Variants in PLD5 observed in about 807,000 individuals in gnomAD.
PLD5 encodes the protein inactive phospholipase D5.
A neutral mutation model predicts 61.1 loss-of-function variants in PLD5; 36 were observed. The ratio of observed to expected loss-of-function variants is 0.59; its 90% CI spans 0.45 to 0.78. The LOEUF is 0.78. PLD5 is among the 30% of genes least tolerant of loss of function. PLD5 has a pLI of 0.00. For synonymous variants in PLD5, 243 were observed against 242.8 expected (o/e 1.00, Z -0.01); for missense variants, 515 against 644.4 (o/e 0.80, Z 2.17).
intron 2 of PLD5, among the ~76,000 whole-genome samples, chr1:242,306,577 T>C (rs925867276): frequency 5.3e-5 from 8 of 152,026 alleles, no homozygotes; most frequent in African/African-American, 1.9e-4. Context: ...CTTGTCTGCC[T>C]GCACAAAGAA....
chr1:242,514,756 G>A (rs967760192), intron 1 of PLD5, among the ~76,000 whole-genome samples: 1 of 152,136 alleles, frequency 6.6e-6, no homozygotes, highest in African/African-American at 2.4e-5. Context: ...ATGTGCAATG[G>A]GATAACAGGG....
chr1:242,248,072 T>A (rs921453662), intron 4 of PLD5, among the ~76,000 whole-genome samples: 1 of 152,236 alleles, frequency 6.6e-6, no homozygotes, highest in African/African-American at 2.4e-5. Flanking sequence ...AAGCTTTTGT[T>A]GAACTACTGT....
At chr1:242,329,577 C>T (rs1025508030) in intron 2 of PLD5, among the ~76,000 whole-genome samples, 1 of 152,194 alleles carries the variant, frequency 6.6e-6, no homozygotes, top group African/African-American at 2.4e-5. Context: ...TTGATATAAC[C>T]AGTCATCTGA....
chr1:242,512,145 T>A (rs61306290), intron 1 of PLD5, among the ~76,000 whole-genome samples: 2 of 151,398 alleles, frequency 1.3e-5, no homozygotes, highest in Non-Finnish European at 2.9e-5. Context: ...GGTGCGGTGG[T>A]TCACGCCTGT....
At chr1:242,223,877 G>C (rs1330595470) in intron 4 of PLD5, among the ~76,000 whole-genome samples, 1 of 151,804 alleles carries the variant, frequency 6.6e-6, no homozygotes, top group Non-Finnish European at 1.5e-5. Context: ...GAGAGAGAGA[G>C]AGAGAGTCAT....
At chr1:242,338,806 CT>C (rs1659672877) in intron 2 of PLD5, among the ~76,000 whole-genome samples, 1 of 152,172 alleles carries the variant, frequency 6.6e-6, no homozygotes, top group South Asian at 2.1e-4. Context: ...AATGAAAATA[CT>C]AATACATGCC....
At position 242,288,270 on chromosome 1, in the gene PLD5, G is replaced by A; in HGVS notation, c.495+92C>T. ...TGGGTGTGTGTAGACTAAAATAAAT[G>A]AGCTTGAGTTTGAGGAGTGGAGGAG... On this transcript the variant is annotated intron_variant, in intron 3 of 9. Transcript: ENST00000536534. 5 of 1,560,802 alleles carry A rather than the reference G, an allele frequency of 3.2e-6. No individual in the cohort carries two copies. In the South Asian group the frequency reaches 6.0e-5, roughly 19 times the overall value.
At chr1:242,168,535 T>C (rs1666488630) in intron 5 of PLD5, among the ~76,000 whole-genome samples, 1 of 152,180 alleles carries the variant, frequency 6.6e-6, no homozygotes, top group African/African-American at 2.4e-5. Context: ...ACAGAATACA[T>C]TTCCACTATT....
chr1:242,460,997 C>T (rs1208659735), intron 1 of PLD5, among the ~76,000 whole-genome samples: 1 of 151,990 alleles, frequency 6.6e-6, no homozygotes, highest in East Asian at 1.9e-4. Context: ...AAAACTTAGC[C>T]AGATGTGGTG....
chr1:242,296,192 A>G (rs1675646009), intron 2 of PLD5, among the ~76,000 whole-genome samples: 1 of 152,136 alleles, frequency 6.6e-6, no homozygotes, highest in African/African-American at 2.4e-5. Context: ...GGTTGCTGAT[A>G]TGTCTCCTTT....
At chr1:242,500,760 G>A (rs931096624) in intron 1 of PLD5, among the ~76,000 whole-genome samples, 11 of 151,730 alleles carry the variant, frequency 7.2e-5, no homozygotes, top group South Asian at 4.2e-4. Flanking sequence ...GATGTAGTCC[G>A]TAATAAGGTG....
chr1:242,468,676 T>TAC (rs551565564), intron 1 of PLD5, among the ~76,000 whole-genome samples: 99 of 151,276 alleles, frequency 6.5e-4, no homozygotes, highest in African/African-American at 2.2e-3. Flanking sequence ...TGTAAATACA[T>TAC]ACACACACAC....
rs141812581 is a variant in PLD5 at position 242,429,759 on chromosome 1, G to C, written c.190-81517C>G. On this transcript the variant is annotated intron_variant, in intron 1 of 9. Coordinates refer to ENST00000536534, the MANE Select transcript of PLD5 (RefSeq NM_001372062.1). ...GGGTTTAAATCACCATGAGAATCTG[G>C]CCATAAAGTAAAAGGAGAAACCTGA... 6.5e-4 allele frequency among the ~76,000 whole-genome samples: 99 copies of C among 152,234 alleles called. 1 individual carries two copies. The highest frequency in any genetic ancestry group is 1.4e-3 in the Admixed American group (21 of 15,290).
intron 1 of PLD5, among the ~76,000 whole-genome samples, chr1:242,507,241 G>A (rs79754334): frequency 0.06 from 9,156 of 152,186 alleles, 562 homozygotes; most frequent in African/African-American, 0.16. Context: ...TTGGCATTTG[G>A]GGATTTAATG....
intron 1 of PLD5, among the ~76,000 whole-genome samples, chr1:242,444,514 G>A (rs534687065): frequency 2.3e-4 from 35 of 150,960 alleles, no homozygotes; most frequent in Middle Eastern, 6.8e-3. Flanking sequence ...TTACCTTCAA[G>A]CTTCTGAAAC....
intron 4 of PLD5, among the ~76,000 whole-genome samples, chr1:242,228,405 T>C (rs1671089883): frequency 6.6e-6 from 1 of 152,160 alleles, no homozygotes; most frequent in Admixed American, 6.6e-5. Context: ...GGACACAGAA[T>C]GGGAAAGCCT....
chr1:242,207,989 TATACACAC>T lies in PLD5; in HGVS notation c.735+11991_735+11998del, dbSNP rs1435570827. ...TTATATATATTTTTATATATATATT[TATACACAC>T]ACACACACACACACACACACACACA... On this transcript the variant is annotated intron_variant, in intron 5 of 9. Transcript: ENST00000536534. Among the ~76,000 whole-genome samples, 3 of 18,118 alleles carry T rather than the reference TATACACAC, an allele frequency of 1.7e-4. 1 individual carries two copies. Among genetic ancestry groups the T allele is most frequent in the African/African-American group, 3.4e-4 (3 of 8,916 alleles). The allele number at this position is 18,118 out of a possible 152,430, so 11.9% of individuals were successfully genotyped here. A position where few individuals can be genotyped will look rare whatever the true frequency, so the allele number is the denominator to read the frequency against.
intron 1 of PLD5, among the ~76,000 whole-genome samples, chr1:242,386,367 CTTAA>C (rs1164213232): frequency 2.0e-5 from 3 of 152,090 alleles, no homozygotes; most frequent in Non-Finnish European, 2.9e-5. Flanking sequence ...TGATCACAAG[CTTAA>C]TTAAGTGATC....
chr1:242,402,126 C>T (rs902580545), intron 1 of PLD5, among the ~76,000 whole-genome samples: 2 of 152,084 alleles, frequency 1.3e-5, no homozygotes, highest in Admixed American at 6.6e-5. Context: ...CCATTCATGC[C>T]GAGAGAATGA....
Sources: gnomAD v4.1 joint callset for allele counts (sites outside exome capture counted in the v4.1 genomes callset) on GRCh38, gnomAD v4.1.1 for gene constraint, MANE v1.5 for transcripts, NCBI Gene and HGNC (gene_info 2026-07-23, HGNC 2026-07-21) for gene names.